The following PCBP3 variants were observed in gnomAD, a reference collection of about 807,000 sequenced individuals.
The protein encoded by PCBP3 is poly(rC)-binding protein 3.
PCBP3 carries 25 observed loss-of-function variants against 52.7 expected under a neutral mutation model. The ratio of observed to expected loss-of-function variants is 0.47; its 90% CI spans 0.35 to 0.66. PCBP3 has a LOEUF of 0.66. Ranked by LOEUF, PCBP3 falls within the 30% of genes least tolerant of loss-of-function variation. PCBP3 has a pLI of 0.01. For missense variants in PCBP3, 391 were observed against 490.3 expected (o/e 0.80, Z 1.91); for synonymous variants, 162 against 183.0 (o/e 0.89, Z 0.93).
chr21:45,697,590 T>G lies in PCBP3; in HGVS notation c.-200+28638T>G, dbSNP rs76970988. Among the ~76,000 whole-genome samples the G allele has an allele frequency of 5.7e-3, 860 of 151,822 alleles. 7 individuals carry two copies. The highest frequency in any genetic ancestry group is 0.019 in the African/African-American group (803 of 41,396). ...TGAGATATCACCTCTACAAAAAATTTAAGAATTAGCCGGGTGTAGGTGTGC... is the reference window on the plus strand; with the variant it reads ...TGAGATATCACCTCTACAAAAAATTGAAGAATTAGCCGGGTGTAGGTGTGC... On this transcript the variant is annotated intron_variant, in intron 2 of 17. Coordinates refer to ENST00000681687, the MANE Select transcript of PCBP3 (RefSeq NM_001384156.1).
intron 4 of PCBP3, among the ~76,000 whole-genome samples, chr21:45,782,061 T>C (rs77510610): frequency 5.6e-5 from 8 of 144,004 alleles, no homozygotes; most frequent in South Asian, 2.4e-4. Context: ...ATTTTTTTTT[T>C]CCCCCAAAGA....
chr21:45,728,471 A>AT (rs1057108130), intron 2 of PCBP3, among the ~76,000 whole-genome samples: 46 of 152,198 alleles, frequency 3.0e-4, no homozygotes, highest in African/African-American at 1.0e-3. Flanking sequence ...ATATTGTTGG[A>AT]TTTTTATATG....
chr21:45,868,334 G>A (rs1482155239), intron 5 of PCBP3, among the ~76,000 whole-genome samples: 1 of 152,070 alleles, frequency 6.6e-6, no homozygotes, highest in Non-Finnish European at 1.5e-5. Flanking sequence ...GCTGCCTGGA[G>A]GCGGCCCACA....
chr21:45,778,657 C>G (rs1186345683), intron 4 of PCBP3, among the ~76,000 whole-genome samples: 1 of 152,158 alleles, frequency 6.6e-6, no homozygotes, highest in Non-Finnish European at 1.5e-5. Context: ...AACTCAAGCC[C>G]CTGGAAGGAG....
At chr21:45,816,020 TAGTGAGTGGTGAGTGGTG>T (rs1247530565) in intron 4 of PCBP3, among the ~76,000 whole-genome samples, 7 of 89,722 alleles carry the variant, frequency 7.8e-5, no homozygotes, top group African/African-American at 2.3e-4. Context: ...GAGTGGTGAG[TAGTGAGTGGTGAGTGGTG>T]AGTGAGTGGT....
chr21:45,700,008 C>G (rs1472494892), intron 2 of PCBP3, among the ~76,000 whole-genome samples: 1 of 152,214 alleles, frequency 6.6e-6, no homozygotes, highest in African/African-American at 2.4e-5. Flanking sequence ...TCACCATTAG[C>G]TCAAATGTCC....
At chr21:45,646,901 G>A (rs1470697630) in intron 1 of PCBP3, among the ~76,000 whole-genome samples, 3 of 152,070 alleles carry the variant, frequency 2.0e-5, no homozygotes, top group Non-Finnish European at 4.4e-5. Flanking sequence ...TTATGTGTTG[G>A]GCTACTGAGT....
intron 15 of PCBP3, among the ~76,000 whole-genome samples, chr21:45,933,957 G>T (rs1016757812): frequency 7.9e-5 from 12 of 152,302 alleles, no homozygotes; most frequent in African/African-American, 2.9e-4. Context: ...CTTTAACATG[G>T]AGTTGGGGGG....
At chr21:45,769,663 G>A (rs560297130) in intron 4 of PCBP3, among the ~76,000 whole-genome samples, 2 of 152,344 alleles carry the variant, frequency 1.3e-5, no homozygotes, top group South Asian at 4.1e-4. Flanking sequence ...CCCCACCCAT[G>A]GTTGCAGGTT....
At chr21:45,919,758 G>A (rs1376649740) in intron 13 of PCBP3, among the ~76,000 whole-genome samples, 1 of 152,236 alleles carries the variant, frequency 6.6e-6, no homozygotes, top group Non-Finnish European at 1.5e-5. Flanking sequence ...CACACCGGAA[G>A]GCACTGTTGG....
chr21:45,774,783 T>TA (rs1217398759), intron 4 of PCBP3, among the ~76,000 whole-genome samples: 2 of 152,220 alleles, frequency 1.3e-5, no homozygotes, highest in Non-Finnish European at 2.9e-5. Context: ...ATATGGTTTT[T>TA]ATCACTCACT....
At position 45,684,616 on chromosome 21, in the gene PCBP3, T is replaced by C. The variant is rs2082045024; in HGVS notation, c.-200+15664T>C. On this transcript the variant is annotated intron_variant, in intron 2 of 17. Transcript: ENST00000681687. ...CCCTGCTCCTTGCTTTCTTTCTGTT[T>C]ATGTGACATGCCTGTTCCTCTTTCA... 2.0e-5 allele frequency among the ~76,000 whole-genome samples: 3 copies of C among 152,270 alleles called. No individual in the cohort carries two copies. In the South Asian group the frequency reaches 6.2e-4, roughly 32 times the overall value.
chr21:45,678,828 T>C (rs181653649), intron 2 of PCBP3, among the ~76,000 whole-genome samples: 243 of 152,034 alleles, frequency 1.6e-3, no homozygotes, highest in African/African-American at 5.6e-3. Flanking sequence ...GAGGACTGAC[T>C]CCAATTTTGA....
chr21:45,781,793 A>G (rs887770900), intron 4 of PCBP3, among the ~76,000 whole-genome samples: 4 of 152,240 alleles, frequency 2.6e-5, no homozygotes, highest in Admixed American at 6.5e-5. Flanking sequence ...ATAGGTGTGT[A>G]CATATGTTAA....
At chr21:45,884,087 C>A (rs2095463674) in intron 5 of PCBP3, among the ~76,000 whole-genome samples, 1 of 152,112 alleles carries the variant, frequency 6.6e-6, no homozygotes, top group African/African-American at 2.4e-5. Flanking sequence ...GCATGCACCA[C>A]CATGCCCAGC....
At chr21:45,900,472 C>A in intron 7 of PCBP3, 119 bp from the exon 8 acceptor site, 1 of 738,878 alleles carries the variant, frequency 1.4e-6, no homozygotes, top group Admixed American at 2.0e-5. Flanking sequence ...TCCTCCAGCA[C>A]AGGCAGGAGG....
chr21:45,804,299 T>C (rs1047247654), intron 4 of PCBP3, among the ~76,000 whole-genome samples: 4 of 152,210 alleles, frequency 2.6e-5, no homozygotes, highest in African/African-American at 4.8e-5. Flanking sequence ...CTTGTCATCT[T>C]GGTAACTTAT....
intron 1 of PCBP3, among the ~76,000 whole-genome samples, chr21:45,644,755 G>GC (rs1236538210): frequency 6.6e-6 from 1 of 152,138 alleles, no homozygotes; most frequent in Non-Finnish European, 1.5e-5. Context: ...GGAATCTTGA[G>GC]CAGCAGGGCC....
intron 2 of PCBP3, among the ~76,000 whole-genome samples, chr21:45,673,973 A>G (rs1397189107): frequency 3.3e-5 from 5 of 152,196 alleles, no homozygotes. Context: ...TCCAATTTAC[A>G]GTTATCTGTG....
Sources: gnomAD v4.1 joint callset for allele counts (sites outside exome capture counted in the v4.1 genomes callset) on GRCh38, gnomAD v4.1.1 for gene constraint, MANE v1.5 for transcripts, NCBI Gene and HGNC (gene_info 2026-07-23, HGNC 2026-07-21) for gene names.